DNAH7: variants seen among roughly 807,000 people sequenced by gnomAD.
DNAH7 encodes the protein axonemal beta dynein heavy chain 7.
DNAH7 carries 397 observed loss-of-function variants against 444.6 expected under a neutral mutation model. The observed-to-expected ratio is 0.89, with a 90% CI of 0.82 to 0.97. DNAH7 has a LOEUF of 0.97. Among genes scored for constraint, DNAH7 ranks in the 50% least tolerant of loss-of-function variants. The pLI is 0.00. For missense variants in DNAH7, 4,902 were observed against 4,800.8 expected (o/e 1.02, Z -0.62); for synonymous variants, 1,636 against 1,624.4 (o/e 1.01, Z -0.17).
chr2:195,762,560 T>C (rs541232304), intron 61 of DNAH7, among the ~76,000 whole-genome samples: 2 of 151,966 alleles, frequency 1.3e-5, no homozygotes, highest in Admixed American at 6.6e-5. Context: ...ATACAAACCA[T>C]AAAAGAGCAG....
chr2:196,007,858 T>C (rs1205068656), intron 10 of DNAH7, among the ~76,000 whole-genome samples: 1 of 152,188 alleles, frequency 6.6e-6, no homozygotes, highest in African/African-American at 2.4e-5. Context: ...CTCAGGTATG[T>C]CTTTATTAAC....
chr2:195,921,219 C>G (rs1688001588), intron 24 of DNAH7, among the ~76,000 whole-genome samples: 1 of 152,034 alleles, frequency 6.6e-6, no homozygotes, highest in South Asian at 2.1e-4. Flanking sequence ...GGTATGTACC[C>G]AGAGGAAAAG....
chr2:196,000,826 C>T lies in DNAH7; in HGVS notation c.1231G>A (p.Asp411Asn). 6.2e-7 allele frequency: 1 copy of T among 1,607,304 alleles called. No homozygotes were observed. The highest frequency in any genetic ancestry group is 8.5e-7 in the Non-Finnish European group (1 of 1,176,642). ...GFIMRLILDN[D>N]TIKFEPELSD... ...AACTCAGGTTCAAACTTAATGGTGTCATTATCAAGAATCAGCCTCATGATG... is the reference window on the plus strand; with the variant it reads ...AACTCAGGTTCAAACTTAATGGTGTTATTATCAAGAATCAGCCTCATGATG... Residue 411 changes from aspartate (D) to asparagine (N), a missense_variant, in exon 12 of 65, where the codon GAC becomes AAC. Coordinates refer to ENST00000312428, the MANE Select transcript of DNAH7 (RefSeq NM_018897.3).
intron 10 of DNAH7, among the ~76,000 whole-genome samples, chr2:196,012,210 G>A (rs1694763384): frequency 6.6e-6 from 1 of 152,052 alleles, no homozygotes; most frequent in Non-Finnish European, 1.5e-5. Flanking sequence ...ACCCATGAGA[G>A]AAACAATTTT....
intron 40 of DNAH7, among the ~76,000 whole-genome samples, chr2:195,868,378 C>T (rs1186142338): frequency 6.6e-6 from 1 of 151,942 alleles, no homozygotes; most frequent in Admixed American, 6.6e-5. Flanking sequence ...GCCACCACGC[C>T]TGGCCTATTA....
Position 195,872,340 on chromosome 2 carries a change from A to G in DNAH7, c.6543T>C (p.Arg2181=), listed in dbSNP as rs1336847162. The G allele has an allele frequency of 4.3e-6, 7 of 1,613,844 alleles. No homozygotes were observed. The South Asian group carries it at 7.7e-5, about 18-fold the overall frequency. Residue 2181 remains arginine (R), a synonymous_variant, in exon 40 of 65, where the codon CGT becomes CGC. Coordinates refer to ENST00000312428, the MANE Select transcript of DNAH7 (RefSeq NM_018897.3). ...CACCTTGAATGACACGGGAGAAATC[A>G]CGGAGGTTGAACAAGTAGTGAGATT... ...PAKSHYLFNL[R]DFSRVIQGVC...
intron 19 of DNAH7, among the ~76,000 whole-genome samples, chr2:195,950,567 G>A (rs2125477323): frequency 6.6e-6 from 1 of 152,044 alleles, no homozygotes; most frequent in South Asian, 2.1e-4. Flanking sequence ...ACCAGCTCCT[G>A]GCTGAGCATG....
intron 19 of DNAH7, among the ~76,000 whole-genome samples, chr2:195,942,211 A>G (rs1689497745): frequency 6.6e-6 from 1 of 152,116 alleles, no homozygotes; most frequent in African/African-American, 2.4e-5. Flanking sequence ...GAGCCTCTTT[A>G]TAAAGGTAAT....
chr2:195,875,935 T>A, intron 37 of DNAH7, 92 bp from the exon 38 acceptor site: 19 of 1,226,862 alleles, frequency 1.5e-5, no homozygotes, highest in Non-Finnish European at 2.1e-5. Context: ...TACTTAGCTA[T>A]CTATTTGCAG....
At chr2:196,046,590 T>C (rs978524914) in intron 5 of DNAH7, among the ~76,000 whole-genome samples, 3 of 152,026 alleles carry the variant, frequency 2.0e-5, no homozygotes, top group Admixed American at 2.0e-4. Flanking sequence ...AAAAGCAAAC[T>C]CGAAACCACT....
intron 10 of DNAH7, among the ~76,000 whole-genome samples, chr2:196,008,736 C>CA (rs1331098683): frequency 3.3e-5 from 5 of 151,572 alleles, no homozygotes; most frequent in Non-Finnish European, 7.4e-5. Context: ...TTCATAGAGA[C>CA]AAAAAAAATA....
intron 63 of DNAH7, among the ~76,000 whole-genome samples, chr2:195,744,110 C>CA (rs921732891): frequency 1.3e-5 from 2 of 152,240 alleles, no homozygotes; most frequent in Admixed American, 1.3e-4. Flanking sequence ...CTTTCCTAGT[C>CA]AAAGAAAGGG....
intron 21 of DNAH7, among the ~76,000 whole-genome samples, chr2:195,929,071 C>A (rs1472264854): frequency 6.6e-6 from 1 of 151,940 alleles, no homozygotes; most frequent in Non-Finnish European, 1.5e-5. Flanking sequence ...CATTTCTATA[C>A]CCCAATAATG....
At chr2:195,813,680 G>T (rs1454245660) in intron 51 of DNAH7, among the ~76,000 whole-genome samples, 2 of 152,200 alleles carry the variant, frequency 1.3e-5, no homozygotes, top group Admixed American at 1.3e-4. Context: ...AATTAAGGGG[G>T]TGAGATTCCT....
chr2:195,880,330 C>CTTT lies in DNAH7; in HGVS notation c.5961+1462_5961+1464dup, dbSNP rs1042876508. 2.9e-3 allele frequency among the ~76,000 whole-genome samples: 400 copies of CTTT among 136,660 alleles called. 5 individuals are homozygous for CTTT. The highest frequency in any genetic ancestry group is 8.6e-3 in the African/African-American group (318 of 37,088). The allele number at this position is 136,660 out of a possible 152,430, so 89.7% of individuals were successfully genotyped here. On this transcript the variant is annotated intron_variant, in intron 36 of 64. Transcript: ENST00000312428. ...ATTGCAATCTTCTTTCTTTCTTTTTCTTTTTTTTTTTTTTTTGAGACGGAG... is the reference window on the plus strand; with the variant it reads ...ATTGCAATCTTCTTTCTTTCTTTTTCTTTTTTTTTTTTTTTTTTTGAGACGGAG...
chr2:195,744,179 C>A (rs375273911), intron 63 of DNAH7, among the ~76,000 whole-genome samples: 1 of 152,216 alleles, frequency 6.6e-6, no homozygotes, highest in South Asian at 2.1e-4. Context: ...CCTTTTCTGA[C>A]GGGCTTAAAA....
chr2:195,988,030 CTA>C lies in DNAH7; in HGVS notation c.1551_1552del (p.His517GlnfsTer3), dbSNP rs750224242. The C allele has an allele frequency of 1.4e-5, 23 of 1,613,126 alleles. 1 individual carries two copies. The South Asian group carries it at 2.3e-4, about 16-fold the overall frequency. ...AATTTCATCTATTATTTTTTCATAA[CTA>C]TGATTTTCTGCGAGGAAGTTATCAA... On this transcript the variant is annotated frameshift_variant, in exon 13 of 65. Transcript: ENST00000312428. LOFTEE classifies it high-confidence loss of function.
At chr2:196,023,110 T>A (rs971053490) in intron 8 of DNAH7, among the ~76,000 whole-genome samples, 3 of 152,036 alleles carry the variant, frequency 2.0e-5, no homozygotes, top group Admixed American at 2.0e-4. Context: ...TGGGGACAGG[T>A]TTCACATGAA....
chr2:196,001,804 C>T lies in DNAH7; in HGVS notation c.1044G>A (p.Leu348=). The T allele has an allele frequency of 6.2e-7, 1 of 1,612,612 alleles. No homozygotes were observed. Among genetic ancestry groups the T allele is most frequent in the Admixed American group, 1.7e-5 (1 of 59,836 alleles). The part of the protein sequence containing the change: ...IYYQGNKKKQ[L]PTGDSSAKLE... ...ATTTGGCACTGCTGTCACCAGTTGGCAATTGCTTTTTTTTATTACCTTGGT... is the reference window on the plus strand; with the variant it reads ...ATTTGGCACTGCTGTCACCAGTTGGTAATTGCTTTTTTTTATTACCTTGGT... Residue 348 remains leucine (L), a synonymous_variant, in exon 11 of 65, where the codon TTG becomes TTA. Transcript: ENST00000312428.
Sources: gnomAD v4.1 joint callset for allele counts (sites outside exome capture counted in the v4.1 genomes callset) on GRCh38, gnomAD v4.1.1 for gene constraint, MANE v1.5 for transcripts, NCBI Gene and HGNC (gene_info 2026-07-23, HGNC 2026-07-21) for gene names.